The following PPARGC1A variants were observed in gnomAD, a reference collection of about 807,000 sequenced individuals.
PPARGC1A encodes PPARG coactivator 1 alpha.
PPARGC1A carries 25 observed loss-of-function variants against 88.7 expected under a neutral mutation model. The observed-to-expected ratio is 0.28, with a 90% CI of 0.21 to 0.39. The LOEUF (loss-of-function observed/expected upper bound fraction) is 0.39, where lower values mean the gene tolerates loss of function less well. Among genes scored for constraint, PPARGC1A ranks in the 10% least tolerant of loss-of-function variants. The probability of loss-of-function intolerance (pLI) is 1.00; values close to 1 mark genes in which losing one functional copy is unlikely to be tolerated. For synonymous variants in PPARGC1A, 363 were observed against 355.6 expected, an observed-to-expected ratio of 1.02 and a Z score of -0.24; for missense variants, 880 against 968.7, an observed-to-expected ratio of 0.91 and a Z score of 1.22.
the PPARGC1A span, among the ~76,000 whole-genome samples, chr4:24,167,855 G>C: frequency 6.6e-6 from 1 of 152,180 alleles, no homozygotes; most frequent in African/African-American, 2.4e-5. Context: ...CTGGGCTCAA[G>C]TGATACTCTC....
the PPARGC1A span, among the ~76,000 whole-genome samples, chr4:23,928,812 T>C: frequency 6.6e-6 from 1 of 151,278 alleles, no homozygotes; most frequent in East Asian, 1.9e-4. Flanking sequence ...TCATATCTTT[T>C]GTAGGGGACA....
At chr4:24,151,214 T>C in the PPARGC1A span, among the ~76,000 whole-genome samples, 33 of 152,302 alleles carry the variant, frequency 2.2e-4, no homozygotes, top group South Asian at 4.1e-4. Context: ...GTGTACACAG[T>C]CTTAGCAGGC....
the PPARGC1A span, among the ~76,000 whole-genome samples, chr4:24,382,895 A>T: frequency 1.3e-5 from 2 of 152,192 alleles, no homozygotes; most frequent in South Asian, 4.1e-4. Context: ...GCTAAGGGAC[A>T]GACTGCCTCC....
the PPARGC1A span, among the ~76,000 whole-genome samples, chr4:24,259,884 A>C: frequency 6.6e-6 from 1 of 152,192 alleles, no homozygotes; most frequent in Non-Finnish European, 1.5e-5. Context: ...ACAAAGACTC[A>C]GTGAAATGCT....
chr4:23,820,907 C>T (rs1560371313), intron 7 of PPARGC1A, among the ~76,000 whole-genome samples: 1 of 152,136 alleles, frequency 6.6e-6, no homozygotes. Flanking sequence ...TGAGCCAAAG[C>T]TTGGGTCACT....
chr4:23,911,683 C>A, the PPARGC1A span, among the ~76,000 whole-genome samples: 1 of 152,034 alleles, frequency 6.6e-6, no homozygotes, highest in Non-Finnish European at 1.5e-5. Context: ...CCATCAAGGA[C>A]TAGAGAAATT....
Position 23,794,812 on chromosome 4 carries a change from C to CT in PPARGC1A, c.*1009dup, listed in dbSNP as rs1017243124. 4 of 152,516 alleles carry CT rather than the reference C, an allele frequency of 2.6e-5. No homozygotes were observed. Among genetic ancestry groups the CT allele is most frequent in the African/African-American group, 9.7e-5 (4 of 41,428 alleles). The allele number at this position is 152,516 out of a possible 1,614,324, so 9.4% of individuals were successfully genotyped here. A position where few individuals can be genotyped will look rare whatever the true frequency, so the allele number is the denominator to read the frequency against. On this transcript the variant is annotated 3_prime_UTR_variant, in exon 13 of 13. Coordinates refer to ENST00000264867, the MANE Select transcript of PPARGC1A (RefSeq NM_013261.5). ...ACATCTCAGAGAGTTCTACCCAACT[C>CT]TCATTAGTAATGTAACCCGGTGTCC...
the PPARGC1A span, among the ~76,000 whole-genome samples, chr4:24,016,770 C>A: frequency 6.6e-6 from 1 of 152,134 alleles, no homozygotes; most frequent in African/African-American, 2.4e-5. Context: ...CAATGAATAA[C>A]ACACCTGAGA....
At chr4:24,286,724 C>T in the PPARGC1A span, among the ~76,000 whole-genome samples, 2 of 152,200 alleles carry the variant, frequency 1.3e-5, no homozygotes, top group Non-Finnish European at 2.9e-5. Context: ...CAAATCACCC[C>T]AAACTTTGGC....
the PPARGC1A span, among the ~76,000 whole-genome samples, chr4:24,379,210 T>C: frequency 1.3e-5 from 2 of 152,316 alleles, no homozygotes; most frequent in Non-Finnish European, 1.5e-5. Context: ...CAGCCATTAA[T>C]AATTATGTTT....
At chr4:24,259,473 C>T in the PPARGC1A span, among the ~76,000 whole-genome samples, 133 of 152,294 alleles carry the variant, frequency 8.7e-4, no homozygotes, top group African/African-American at 3.1e-3. Context: ...TGCCACAGAA[C>T]GACATTTCAG....
the PPARGC1A span, among the ~76,000 whole-genome samples, chr4:23,939,017 C>T: frequency 5.9e-3 from 904 of 152,276 alleles, 12 homozygotes; most frequent in African/African-American, 0.021. Context: ...GGATGGGGTC[C>T]ATGGTGATGA....
chr4:24,189,615 A>G, the PPARGC1A span, among the ~76,000 whole-genome samples: 1 of 151,948 alleles, frequency 6.6e-6, no homozygotes, highest in Non-Finnish European at 1.5e-5. Context: ...TTTCACTTAC[A>G]TTCCTTGTAT....
intron 2 of PPARGC1A, among the ~76,000 whole-genome samples, chr4:23,861,581 C>A (rs1731231180): frequency 6.6e-6 from 1 of 152,060 alleles, no homozygotes; most frequent in Non-Finnish European, 1.5e-5. Context: ...GAATACCATG[C>A]AGTGTTACAT....
the PPARGC1A span, among the ~76,000 whole-genome samples, chr4:24,405,206 G>A: frequency 4.6e-5 from 7 of 151,998 alleles, no homozygotes; most frequent in Admixed American, 1.3e-4. Context: ...CTTTGAAAAC[G>A]GTCAAGCAGG....
rs761362986 is a variant in PPARGC1A at position 23,813,017 on chromosome 4, T to C, written c.1898+4A>G. 3.1e-6 allele frequency: 5 copies of C among 1,613,872 alleles called. No individual in the cohort carries two copies. Among genetic ancestry groups the C allele is most frequent in the Non-Finnish European group, 4.2e-6 (5 of 1,179,842 alleles). On this transcript the variant is annotated splice_donor_region_variant and intron_variant, in intron 9 of 12. Transcript: ENST00000264867. The stretch of plus-strand genomic sequence containing the variant: ...AGCTAAAGGAAAATGACATGCCTCA[T>C]TACCTGGGCCGACGGCTGTAGGGCG...
At chr4:24,206,824 G>C in the PPARGC1A span, among the ~76,000 whole-genome samples, 1 of 131,750 alleles carries the variant, frequency 7.6e-6, no homozygotes. Flanking sequence ...CTGGGTGACG[G>C]AGAAAGACTT....
chr4:23,881,242 C>T (rs992244204), intron 2 of PPARGC1A: 1 of 152,198 alleles, frequency 6.6e-6, no homozygotes, highest in African/African-American at 2.4e-5. Flanking sequence ...ATCAGATTCA[C>T]TGGAGGCTGT....
chr4:23,873,888 G>C (rs780666809), intron 2 of PPARGC1A, among the ~76,000 whole-genome samples: 1 of 152,088 alleles, frequency 6.6e-6, no homozygotes, highest in Non-Finnish European at 1.5e-5. Flanking sequence ...AAATGATACC[G>C]TTAGATGACA....
Sources: gnomAD v4.1 joint callset for allele counts (sites outside exome capture counted in the v4.1 genomes callset) on GRCh38, gnomAD v4.1.1 for gene constraint, MANE v1.5 for transcripts, NCBI Gene and HGNC (gene_info 2026-07-23, HGNC 2026-07-21) for gene names.